Variants in SEMA4D observed in about 807,000 individuals in gnomAD.
SEMA4D encodes the protein semaphorin 4D, also known as semaphorin-4D.
Under a neutral mutation model 74.8 loss-of-function variants are expected in SEMA4D, and 22 were observed. That is an observed-to-expected ratio of 0.29 (90% CI 0.21 to 0.42). The LOEUF is 0.42. SEMA4D is among the 10% of genes least tolerant of loss of function. SEMA4D has a pLI of 1.00. For missense variants in SEMA4D, 937 were observed against 1,118.4 expected (o/e 0.84, Z 2.31); for synonymous variants, 445 against 463.7 (o/e 0.96, Z 0.52).
At position 89,450,660 on chromosome 9, in the gene SEMA4D, GAAA is replaced by G. The variant is rs71358578; in HGVS notation, c.-244+5225_-244+5227del. On this transcript the variant is annotated intron_variant, in intron 2 of 15. Transcript: ENST00000422704. ...GAGTTCTGCAAGTCGAAAAACCCAG[GAAA>G]AAAAAAAAAAAAAAAAAAAAAAAAG... is the stretch of plus-strand genomic sequence containing the variant. The G allele has an allele frequency of 2.5e-3, 1,090 of 429,850 alleles. 36 individuals carry two copies. Among genetic ancestry groups the G allele is most frequent in the Middle Eastern group, 5.2e-3 (7 of 1,356 alleles). 26.6% of individuals were successfully genotyped at this position (429,850 alleles called of 1,614,324 possible).
At chr9:89,447,000 T>G (rs1445246692) in intron 2 of SEMA4D, among the ~76,000 whole-genome samples, 1 of 152,038 alleles carries the variant, frequency 6.6e-6, no homozygotes, top group Non-Finnish European at 1.5e-5. Flanking sequence ...CTGCCATGTG[T>G]CCTATCCTTG....
At chr9:89,444,727 C>T (rs373241946) in intron 2 of SEMA4D, among the ~76,000 whole-genome samples, 2 of 151,934 alleles carry the variant, frequency 1.3e-5, no homozygotes, top group African/African-American at 2.4e-5. Context: ...CTCAGACAAC[C>T]CATGTAATCT....
At chr9:89,462,055 A>G (rs1487268007) in intron 1 of SEMA4D, among the ~76,000 whole-genome samples, 1 of 152,046 alleles carries the variant, frequency 6.6e-6, no homozygotes, top group Middle Eastern at 3.2e-3. Context: ...GATGAGTTTT[A>G]CCAACCTGCT....
At position 89,405,357 on chromosome 9, in the gene SEMA4D, G is replaced by C; in HGVS notation, c.100C>G (p.His34Asp). The stretch of plus-strand genomic sequence containing the variant: ...TGCAGGTTTCGTCACTCACCTCTGT[G>C]CTCCCAGGTGATCCGGGGTATGGGT... ...FAPIPRITWE[H>D]REVHLVQFHE... The change falls in exon 3 of 16, where the codon CAC becomes GAC. Residue 34 changes from histidine (H) to aspartate (D), a missense_variant. Physicochemically the swap from His to Asp is moderately conservative, Grantham distance 81. Transcript: ENST00000422704. The C allele has an allele frequency of 6.2e-7, 1 of 1,613,598 alleles. No individual in the cohort carries two copies.
At chr9:89,481,772 G>C (rs1037386615) in intron 1 of SEMA4D, among the ~76,000 whole-genome samples, 1 of 152,228 alleles carries the variant, frequency 6.6e-6, no homozygotes, top group Admixed American at 6.5e-5. Context: ...CCTGCGCTGT[G>C]ATCAGCTGGG....
intron 1 of SEMA4D, among the ~76,000 whole-genome samples, chr9:89,461,561 G>A (rs925788977): frequency 6.6e-6 from 1 of 152,202 alleles, no homozygotes; most frequent in Non-Finnish European, 1.5e-5. Context: ...CAGGAAGGCT[G>A]CCAGAATAAA....
At chr9:89,461,157 A>C (rs1408725357) in intron 1 of SEMA4D, among the ~76,000 whole-genome samples, 1 of 151,874 alleles carries the variant, frequency 6.6e-6, no homozygotes, top group African/African-American at 2.4e-5. Context: ...GCAAGATGCC[A>C]CTCTCCCCCT....
At chr9:89,364,629 CCT>C (rs1491437496) in intron 16 of SEMA4D, 1 of 156,094 alleles carries the variant, frequency 6.4e-6, no homozygotes, top group Non-Finnish European at 1.4e-5. Flanking sequence ...CTGCCGCAAA[CCT>C]CTGTTGTTTT....
chr9:89,380,947 G>A, intron 15 of SEMA4D, 108 bp downstream of exon 15: 1 of 1,347,056 alleles, frequency 7.4e-7, no homozygotes, highest in Non-Finnish European at 1.1e-6. Flanking sequence ...GTTCCGAGTG[G>A]AGAAAGAAAA....
intron 2 of SEMA4D, among the ~76,000 whole-genome samples, chr9:89,424,629 T>C (rs73486134): frequency 0.014 from 2,174 of 152,142 alleles, 41 homozygotes; most frequent in African/African-American, 0.048. Flanking sequence ...ACTAATTGCC[T>C]TCCTCACTGT....
chr9:89,483,757 G>A (rs1197778716), intron 1 of SEMA4D, among the ~76,000 whole-genome samples: 1 of 134,952 alleles, frequency 7.4e-6, no homozygotes, highest in Non-Finnish European at 1.6e-5. Context: ...TGCGTGTGCT[G>A]CCTCACAATA....
chr9:89,397,040 C>T (rs142571877), intron 5 of SEMA4D, among the ~76,000 whole-genome samples: 270 of 152,314 alleles, frequency 1.8e-3, no homozygotes, highest in Admixed American at 3.3e-3. Context: ...CACACACTGG[C>T]CTGTTCTCGT....
chr9:89,446,988 T>C (rs4074429), intron 2 of SEMA4D, among the ~76,000 whole-genome samples: 146,304 of 152,116 alleles, frequency 0.96, 70,571 homozygotes, highest in Non-Finnish European at 1. Context: ...CCCTTCCAAA[T>C]CCTGCCATGT....
chr9:89,407,825 C>T (rs1390773746), intron 2 of SEMA4D, among the ~76,000 whole-genome samples: 1 of 152,246 alleles, frequency 6.6e-6, no homozygotes, highest in South Asian at 2.1e-4. Flanking sequence ...GTCTCTCCTG[C>T]CTGTCAACAC....
chr9:89,469,160 G>A (rs950639139), intron 1 of SEMA4D, among the ~76,000 whole-genome samples: 1 of 142,228 alleles, frequency 7.0e-6, no homozygotes, highest in Non-Finnish European at 1.6e-5. Context: ...ACAACTCCGT[G>A]CACAAAGAGT....
chr9:89,444,256 A>C (rs942210522), intron 2 of SEMA4D, among the ~76,000 whole-genome samples: 1 of 152,092 alleles, frequency 6.6e-6, no homozygotes, highest in Admixed American at 6.5e-5. Flanking sequence ...CCCCTCTAGC[A>C]CAGCTACAGT....
chr9:89,453,884 G>A (rs1364285012), intron 2 of SEMA4D, among the ~76,000 whole-genome samples: 7 of 141,148 alleles, frequency 5.0e-5, no homozygotes, highest in African/African-American at 1.6e-4. Context: ...TTGAGATGGA[G>A]TCTTGCTCTG....
At chr9:89,431,457 T>A (rs1849257781) in intron 2 of SEMA4D, among the ~76,000 whole-genome samples, 1 of 152,260 alleles carries the variant, frequency 6.6e-6, no homozygotes. Context: ...ACTGGAGGCA[T>A]TTTTCAGTAT....
intron 9 of SEMA4D, 64 bp downstream of exon 9, chr9:89,391,200 C>T (rs1005657150): frequency 1.3e-6 from 2 of 1,535,638 alleles, no homozygotes; most frequent in African/African-American, 2.7e-5. Flanking sequence ...CAGGAGCCAC[C>T]CATCATCCAG....
Sources: allele counts gnomAD v4.1 joint callset (sites outside exome capture counted in the v4.1 genomes callset), GRCh38; gene constraint gnomAD v4.1.1; transcripts MANE v1.5; gene names NCBI Gene and HGNC (gene_info 2026-07-23, HGNC 2026-07-21).